The following RP9 variants were observed in gnomAD, a reference collection of about 807,000 sequenced individuals.
RP9 encodes retinitis pigmentosa 9 protein.
Under a neutral mutation model 32.6 loss-of-function variants are expected in RP9, and 23 were observed. The observed-to-expected ratio is 0.71, with a 90% confidence interval of 0.51 to 1.00. The LOEUF (loss-of-function observed/expected upper bound fraction) is 1.00, where lower values mean the gene tolerates loss of function less well. Ranked by LOEUF, RP9 falls within the 50% of genes least tolerant of loss-of-function variation. The pLI, the probability that RP9 is intolerant of heterozygous loss-of-function variation, is 0.00. For missense variants in RP9, 245 were observed against 285.3 expected (o/e 0.86, Z 1.02); for synonymous variants, 94 against 103.6 (o/e 0.91, Z 0.56).
rs773861029 is a variant in RP9, at chr7:33,109,178, C to T, written c.152+43G>A. 1 of 1,480,042 alleles carries T rather than the reference C, an allele frequency of 6.8e-7. No homozygotes were observed. Among genetic ancestry groups the T allele is most frequent in the South Asian group, 1.3e-5 (1 of 79,724 alleles). The allele number at this position is 1,480,042 out of a possible 1,614,324, so 91.7% of individuals were successfully genotyped here. The stretch of plus-strand genomic sequence containing the variant: ...GGCGTCCCGCGCCCCGGGCCCCTGG[C>T]TTCAGAAGACTGGCCGCGCGCGGAC... On this transcript the variant is annotated intron_variant, in intron 1 of 5. Coordinates refer to ENST00000297157, the MANE Select transcript of RP9 (RefSeq NM_203288.2). This position sits in a 1 kb window ranked among gnomAD's most constrained non-coding sequence, Gnocchi z 4.9.
chr7:33,097,329 C>G lies in RP9; in HGVS notation c.347G>C (p.Gly116Ala), dbSNP rs908952819. The G allele has an allele frequency of 6.2e-7, 1 of 1,613,920 alleles. No homozygotes were observed. The highest frequency in any genetic ancestry group is 1.3e-5 in the African/African-American group (1 of 74,914). ...GATAAAGAAAGGGCATTCTTTGTCA[C>G]CCGTTCGGTGACCATAGCGTTTGCA... is the stretch of plus-strand genomic sequence containing the variant. Reference protein sequence around the residue: ...WRCKRYGHRTGDKECPFFIKG... With the variant: ...WRCKRYGHRTADKECPFFIKG... The change falls in exon 4 of 6, where the codon GGT (glycine) becomes GCT (alanine). Residue 116 changes from glycine (G) to alanine (A), a missense_variant. Gly to Ala is a moderately conservative substitution (Grantham distance 60). Transcript: ENST00000297157.
In RP9 at chr7:33,100,547, G is replaced by A; in HGVS notation, c.167C>T (p.Pro56Leu). The change falls in exon 2 of 6, where the codon CCT (proline) becomes CTT (leucine). Residue 56 changes from proline to leucine, a missense_variant. Pro to Leu is a moderately conservative substitution (Grantham distance 98, BLOSUM62 -3). This residue lies in a region of RP9 where 182 missense variants were observed against 175.5 expected (regional missense o/e 1.04). Transcript: ENST00000297157. ...CACACTAACCTTGATAAGCCCAGGA[G>A]GAGGTTTTTCGTAACTGGAAAACAA... The part of the protein sequence containing the change: ...KHLESFYEKP[P>L]PGLIKEDETK... 5.0e-6 allele frequency: 8 copies of A among 1,613,634 alleles called. No individual in the cohort carries two copies. The highest frequency in any genetic ancestry group is 6.8e-6 in the Non-Finnish European group (8 of 1,179,584).
chr7:33,105,011 T>C (rs537334059), intron 1 of RP9, among the ~76,000 whole-genome samples: 1 of 152,174 alleles, frequency 6.6e-6, no homozygotes, highest in African/African-American at 2.4e-5. Flanking sequence ...TCATAGGAAG[T>C]TGCAGAATTG....
intron 1 of RP9, among the ~76,000 whole-genome samples, chr7:33,108,883 C>T (rs1187734356): frequency 6.6e-6 from 1 of 152,218 alleles, no homozygotes; most frequent in Non-Finnish European, 1.5e-5. Flanking sequence ...ATATTTCCTT[C>T]CCCTACATTT....
intron 2 of RP9, among the ~76,000 whole-genome samples, chr7:33,099,921 A>T (rs1788400911): frequency 6.6e-6 from 1 of 152,210 alleles, no homozygotes. Flanking sequence ...ATTTACAATT[A>T]ATGTGTTTTC....
intron 4 of RP9, among the ~76,000 whole-genome samples, chr7:33,096,813 A>T (rs1437749436): frequency 1.4e-5 from 2 of 145,920 alleles, no homozygotes; most frequent in Non-Finnish European, 3.0e-5. Context: ...GCAATCACAG[A>T]GCTATAACAC....
chr7:33,104,301 C>A (rs1788469015), intron 1 of RP9, among the ~76,000 whole-genome samples: 1 of 152,000 alleles, frequency 6.6e-6, no homozygotes, highest in South Asian at 2.1e-4. Flanking sequence ...CTGGGGCCCA[C>A]TTGAGGGTGG....
At chr7:33,098,033 C>G (rs964177509) in intron 3 of RP9, among the ~76,000 whole-genome samples, 4 of 152,150 alleles carry the variant, frequency 2.6e-5, no homozygotes. Context: ...GCTTCTTTCT[C>G]AGGTTGAGTC....
At chr7:33,098,023 G>C in intron 3 of RP9, among the ~76,000 whole-genome samples, 1 of 152,182 alleles carries the variant, frequency 6.6e-6, no homozygotes, top group East Asian at 1.9e-4. Flanking sequence ...CACTATAAAA[G>C]CTTCTTTCTC....
rs1242766014 is a variant in RP9, at chr7:33,109,356, C to G, written c.17G>C (p.Gly6Ala). Residue 6 changes from glycine (G) to alanine (A), a missense_variant, in exon 1 of 6, where the codon GGG becomes GCG. Physicochemically the swap from Gly to Ala is moderately conservative, Grantham distance 60. Transcript: ENST00000297157. This position sits in a 1 kb window ranked among gnomAD's most constrained non-coding sequence, Gnocchi z 4.9. MSSRP[G>A]REDVGAAGAR... ...GCCCGCAGCCCCCACGTCCTCGCGC[C>G]CAGGCCGGGACGACATGTCAGCCCC... 1 of 1,430,902 alleles carries G rather than the reference C, an allele frequency of 7.0e-7. No homozygotes were observed. The highest frequency in any genetic ancestry group is 1.5e-5 in the African/African-American group (1 of 66,472). 88.6% of individuals were successfully genotyped at this position (1,430,902 alleles called of 1,614,324 possible).
intron 1 of RP9, among the ~76,000 whole-genome samples, chr7:33,107,976 G>T (rs902266738): frequency 6.6e-6 from 1 of 152,144 alleles, no homozygotes; most frequent in African/African-American, 2.4e-5. Flanking sequence ...CTTTGAACAG[G>T]GTTTCAAAGG....
chr7:33,105,380 G>C (rs905329588), intron 1 of RP9, among the ~76,000 whole-genome samples: 1 of 152,020 alleles, frequency 6.6e-6, no homozygotes, highest in Admixed American at 6.6e-5. Flanking sequence ...CTTCCCCAAA[G>C]CAGTCAGAGA....
chr7:33,096,319 G>A (rs1402429252), intron 5 of RP9, among the ~76,000 whole-genome samples, 174 bp downstream of exon 5: 1 of 152,182 alleles, frequency 6.6e-6, no homozygotes, highest in Non-Finnish European at 1.5e-5. Context: ...GAGGAGGCTG[G>A]CCTGCTCATT....
At position 33,109,077 on chromosome 7, in the gene RP9, C is replaced by G. The variant is rs1306281151; in HGVS notation, c.152+144G>C. 2.5e-5 allele frequency: 31 copies of G among 1,248,236 alleles called. No homozygotes were observed. Among genetic ancestry groups the G allele is most frequent in the Non-Finnish European group, 3.2e-5 (31 of 980,572 alleles). The allele number at this position is 1,248,236 out of a possible 1,614,324, so 77.3% of individuals were successfully genotyped here. ...ACCGCGGCGCCCGACATCGGTCGCC[C>G]GCACCAGGCTCCTGCCGGGCCCAGC... On this transcript the variant is annotated intron_variant, in intron 1 of 5. Coordinates refer to ENST00000297157, the MANE Select transcript of RP9 (RefSeq NM_203288.2). The surrounding 1 kb of genome is among the most constrained non-coding windows in gnomAD (Gnocchi z 4.9).
At position 33,109,382 on chromosome 7, in the gene RP9, C is replaced by G. The variant is rs1423000901; in HGVS notation, c.-10G>C. On this transcript the variant is annotated 5_prime_UTR_variant, in exon 1 of 6. Transcript: ENST00000297157. The surrounding 1 kb of genome is among the most constrained non-coding windows in gnomAD (Gnocchi z 4.9). ...CAGGCCGGGACGACATGTCAGCCCCCGCAGCGCCGCTCGGGCAACCCCCGC... is the reference window on the plus strand; with the variant it reads ...CAGGCCGGGACGACATGTCAGCCCCGGCAGCGCCGCTCGGGCAACCCCCGC... 4.7e-6 allele frequency: 6 copies of G among 1,263,326 alleles called. No individual in the cohort carries two copies. Among genetic ancestry groups the G allele is most frequent in the Non-Finnish European group, 6.0e-6 (6 of 999,426 alleles). The allele number at this position is 1,263,326 out of a possible 1,614,324, so 78.3% of individuals were successfully genotyped here.
At chr7:33,103,648 T>TA (rs376839561) in intron 1 of RP9, among the ~76,000 whole-genome samples, 11 of 146,922 alleles carry the variant, frequency 7.5e-5, no homozygotes, top group East Asian at 2.0e-4. Flanking sequence ...ATTCCATCTC[T>TA]AAAAAAAAAA....
In RP9 at chr7:33,100,121, C is replaced by A; in HGVS notation, c.183+410G>T. The A allele has an allele frequency of 7.9e-6, 2 of 252,848 alleles. 1 individual carries two copies. Among genetic ancestry groups the A allele is most frequent in the South Asian group, 1.0e-4 (2 of 19,466 alleles). The allele number at this position is 252,848 out of a possible 1,614,324, so 15.7% of individuals were successfully genotyped here. A position where few individuals can be genotyped will look rare whatever the true frequency, so the allele number is the denominator to read the frequency against. On this transcript the variant is annotated intron_variant, in intron 2 of 5. Transcript: ENST00000297157. ...GGGAGCTGCAGGAGGGATGCCTGTA[C>A]CAGGGAGCGGGACTGGATAGCTGTC...
chr7:33,098,420 A>C (rs1353246613), intron 3 of RP9, among the ~76,000 whole-genome samples: 2 of 152,120 alleles, frequency 1.3e-5, no homozygotes, highest in African/African-American at 4.8e-5. Context: ...TGTGTGGAAA[A>C]GGTAAAACAG....
rs781733714 is a variant in RP9 at position 33,097,313 on chromosome 7, A to G, written c.363T>C (p.Pro121=). 2 of 1,614,090 alleles carry G rather than the reference A, an allele frequency of 1.2e-6. No homozygotes were observed. Among genetic ancestry groups the G allele is most frequent in the African/African-American group, 1.3e-5 (1 of 75,050 alleles). Residue 121 remains proline, a synonymous_variant, in exon 4 of 6, where the codon CCT becomes CCC. Transcript: ENST00000297157. ...YGHRTGDKEC[P]FFIKGNQKLE... ...ACTTTTGGTTGCCTTTGATAAAGAA[A>G]GGGCATTCTTTGTCACCCGTTCGGT...
Sources: gnomAD v4.1 joint callset for allele counts (sites outside exome capture counted in the v4.1 genomes callset) on GRCh38, gnomAD v4.1.1 for gene constraint, gnomAD v4.1.1 regional missense constraint, Gnocchi (gnomAD v3.1) non-coding constraint, MANE v1.5 for transcripts, NCBI Gene and HGNC (gene_info 2026-07-23, HGNC 2026-07-21) for gene names.